Variants in GABRQ observed in about 807,000 individuals in gnomAD.
GABRQ encodes gamma-aminobutyric acid type A receptor subunit theta, also known as gamma-aminobutyric acid receptor subunit theta.
Under a neutral mutation model 30.5 loss-of-function variants are expected in GABRQ, and 19 were observed. That is an observed-to-expected ratio of 0.62 (90% CI 0.43 to 0.91). The LOEUF (loss-of-function observed/expected upper bound fraction) is 0.91, where lower values mean the gene tolerates loss of function less well. Among genes scored for constraint, GABRQ ranks in the 40% least tolerant of loss-of-function variants. The pLI is 0.00. For missense variants in GABRQ, 520 were observed against 521.4 expected (o/e 1.00, Z 0.03); for synonymous variants, 187 against 210.2 (o/e 0.89, Z 0.95).
chrX:152,638,413 C>G (rs1220097084), intron 1 of GABRQ, 62 bp downstream of exon 1: 9 of 1,115,839 alleles, frequency 8.1e-6, no homozygotes. Context: ...CAGACGACCT[C>G]TGGCCTCTTG....
intron 2 of GABRQ, among the ~76,000 whole-genome samples, 170 bp from the exon 3 acceptor site, chrX:152,645,357 C>T (rs1180532612): frequency 8.0e-5 from 9 of 112,113 alleles, no homozygotes; most frequent in African/African-American, 1.9e-4. Flanking sequence ...CTATCACTAT[C>T]CCCATTTTAC....
chrX:152,650,804 T>C (rs782012857), intron 7 of GABRQ, among the ~76,000 whole-genome samples: 10 of 111,484 alleles, frequency 9.0e-5, no homozygotes, highest in Admixed American at 3.8e-4. Context: ...GTTGGAATCT[T>C]GGCCCGTTGA....
intron 1 of GABRQ, 101 bp downstream of exon 1, chrX:152,638,452 T>TG: frequency 3.5e-6 from 3 of 860,428 alleles, no homozygotes; most frequent in East Asian, 3.2e-5. Flanking sequence ...CGACTCGGGC[T>TG]GGGGGGTACT....
At position 152,650,505 on chromosome X, in the gene GABRQ, A is replaced by T. The variant is rs1556819995; in HGVS notation, c.826A>T (p.Thr276Ser). ...CTACCTTGTGCAAGTCTACTGGCCT[A>T]CTGTCCTCACCACTATTACCTCTTG... ...NSYLVQVYWPTVLTTITSWIS... is the reference protein window; with the variant it reads ...NSYLVQVYWPSVLTTITSWIS... Residue 276 changes from threonine (T) to serine (S), a missense_variant, in exon 7 of 9, where the codon ACT becomes TCT. By Grantham distance (58) the Thr-to-Ser change is moderately conservative (BLOSUM62 1). Transcript: ENST00000598523. The T allele has an allele frequency of 2.5e-6, 3 of 1,197,205 alleles. No homozygotes were observed. Among genetic ancestry groups the T allele is most frequent in the Non-Finnish European group, 3.4e-6 (3 of 883,736 alleles).
chrX:152,649,024 T>G (rs1198423593), intron 4 of GABRQ, among the ~76,000 whole-genome samples: 1 of 112,102 alleles, frequency 8.9e-6, no homozygotes, highest in African/African-American at 3.2e-5. Context: ...TCCGGGGCCC[T>G]TCCCATCTGA....
chrX:152,647,023 T>G lies in GABRQ; in HGVS notation c.382T>G (p.Leu128Val). Residue 128 changes from leucine to valine, a missense_variant, in exon 4 of 9, where the codon TTG (leucine) becomes GTG (valine). By Grantham distance (32) the Leu-to-Val change is conservative (BLOSUM62 1). Coordinates refer to ENST00000598523, the MANE Select transcript of GABRQ (RefSeq NM_018558.4). ...RLAYYETTLN[L>V]TLDYRMHEKL... ...AGCATACTATGAGACCACCCTGAAC[T>G]TGACCCTGGACTATCGGATGCATGA... 8.3e-7 allele frequency: 1 copy of G among 1,206,463 alleles called. No homozygotes were observed.
At chrX:152,645,465 C>T in intron 2 of GABRQ, 62 bp from the exon 3 acceptor site, 1 of 743,164 alleles carries the variant, frequency 1.3e-6, no homozygotes, top group South Asian at 2.2e-5. Flanking sequence ...AGCCTGGCTC[C>T]CAAGTTTATG....
At position 152,653,569 on chromosome X, in the gene GABRQ, A is replaced by T. The variant is rs1556820780; in HGVS notation, c.*288A>T. 1.5e-5 allele frequency: 4 copies of T among 259,903 alleles called. No homozygotes were observed. Among genetic ancestry groups the T allele is most frequent in the Non-Finnish European group, 2.7e-5 (4 of 148,298 alleles). The allele number at this position is 259,903 out of a possible 1,213,427, so 21.4% of individuals were successfully genotyped here. On this transcript the variant is annotated 3_prime_UTR_variant, in exon 9 of 9. Coordinates refer to ENST00000598523, the MANE Select transcript of GABRQ (RefSeq NM_018558.4). The stretch of plus-strand genomic sequence containing the variant: ...GACTTGTAACAAGGAATAAGCATAG[A>T]AAAGCCCCTGGAAATGTTTAGAGGA...
downstream of GABRQ, chrX:152,657,577 A>T (rs1163971885): frequency 8.9e-6 from 1 of 112,286 alleles, no homozygotes; most frequent in East Asian, 2.8e-4. Flanking sequence ...TTGGATTAGA[A>T]GATATTGAGC....
intron 1 of GABRQ, among the ~76,000 whole-genome samples, chrX:152,639,378 GCACACACACA>G (rs199710373): frequency 1.9e-5 from 2 of 103,346 alleles, no homozygotes; most frequent in East Asian, 3.1e-4. Context: ...ATGCGCGTGC[GCACACACACA>G]CACACACACA....
intron 1 of GABRQ, among the ~76,000 whole-genome samples, chrX:152,639,702 C>T (rs1463420993): frequency 8.9e-6 from 1 of 111,810 alleles, no homozygotes; most frequent in East Asian, 2.8e-4. Context: ...GCTCTGAGCC[C>T]CAAGAATCTG....
Position 152,653,156 on chromosome X carries a change from G to A in GABRQ, c.1774G>A (p.Glu592Lys), listed in dbSNP as rs1931076631. 1 of 1,209,779 alleles carries A rather than the reference G, an allele frequency of 8.3e-7. No homozygotes were observed. Among genetic ancestry groups the A allele is most frequent in the Admixed American group, 2.2e-5 (1 of 45,920 alleles). The change falls in exon 9 of 9, where the codon GAA (glutamate) becomes AAA (lysine). Residue 592 changes from glutamate (E) to lysine (K), a missense_variant. Transcript: ENST00000598523. The stretch of plus-strand genomic sequence containing the variant: ...CCCAAGCCCTGGGTGCTCCTTCACT[G>A]AAGGGTTCTCCTTCGATCTCTTTAA... ...CPPSPGCSFTEGFSFDLFNPD... is the reference protein window; with the variant it reads ...CPPSPGCSFTKGFSFDLFNPD...
intron 2 of GABRQ, among the ~76,000 whole-genome samples, chrX:152,640,900 CTT>C (rs782635066): frequency 2.7e-5 from 3 of 111,259 alleles, no homozygotes; most frequent in Non-Finnish European, 5.6e-5. Flanking sequence ...AGAGCACGGT[CTT>C]TTCTGTCTAG....
At chrX:152,657,640 T>C (rs1264414559), downstream of GABRQ, 1 of 112,321 alleles carries the variant, frequency 8.9e-6, no homozygotes, top group Non-Finnish European at 1.9e-5. Context: ...TCACTTCCCA[T>C]GGCCTTCCCA....
intron 1 of GABRQ, 69 bp from the exon 2 acceptor site, chrX:152,640,309 C>T: frequency 1.5e-6 from 1 of 654,683 alleles, no homozygotes; most frequent in Non-Finnish European, 2.6e-6. Flanking sequence ...AGAGAAGGCC[C>T]TAGCAAGGCA....
In GABRQ at chrX:152,651,753, T is replaced by C; in HGVS notation, c.1129T>C (p.Tyr377His). 1.2e-5 allele frequency: 14 copies of C among 1,211,609 alleles called. No individual in the cohort carries two copies. Among genetic ancestry groups the C allele is most frequent in the Non-Finnish European group, 1.6e-5 (14 of 895,139 alleles). ...RPRRVIARYR[Y>H]QQVVVGNVQD... is the part of the protein sequence containing the mutation. ...CCGAAGAGTCATTGCCCGCTACCGC[T>C]ACCAGCAAGTGGTGGTAGGAAACGT... The change falls in exon 8 of 9, where the codon TAC becomes CAC. Residue 377 changes from tyrosine to histidine, a missense_variant. By Grantham distance (83) the Tyr-to-His change is moderately conservative (BLOSUM62 2). Transcript: ENST00000598523.
intron 2 of GABRQ, among the ~76,000 whole-genome samples, chrX:152,643,181 C>T (rs1234614229): frequency 2.7e-5 from 3 of 112,039 alleles, no homozygotes; most frequent in Non-Finnish European, 5.6e-5. Context: ...GTGGGGAGCC[C>T]GAAAGGCGGC....
intron 2 of GABRQ, among the ~76,000 whole-genome samples, chrX:152,644,353 C>A (rs1418203589): frequency 8.9e-6 from 1 of 112,602 alleles, no homozygotes; most frequent in Non-Finnish European, 1.9e-5. Context: ...CACTCACACA[C>A]ATGAACGTGT....
chrX:152,651,254 A>G (rs1264756253), intron 7 of GABRQ, among the ~76,000 whole-genome samples: 1 of 112,408 alleles, frequency 8.9e-6, no homozygotes, highest in Non-Finnish European at 1.9e-5. Context: ...GCAAAAGGGA[A>G]AGGAGCCATC....
Sources: allele counts gnomAD v4.1 joint callset (sites outside exome capture counted in the v4.1 genomes callset), GRCh38; gene constraint gnomAD v4.1.1; transcripts MANE v1.5; gene names NCBI Gene and HGNC (gene_info 2026-07-23, HGNC 2026-07-21).